MTERF4: variants seen among roughly 807,000 people sequenced by gnomAD.
MTERF4 encodes the protein mitochondrial transcription termination factor 4.
A neutral mutation model predicts 22.5 loss-of-function variants in MTERF4; 17 were observed. The observed-to-expected ratio is 0.75, with a 90% CI of 0.52 to 1.13. The LOEUF is 1.13. MTERF4 is among the 50% of genes most tolerant of loss of function. The probability of loss-of-function intolerance (pLI) is 0.00; values close to 1 mark genes in which losing one functional copy is unlikely to be tolerated. For synonymous variants in MTERF4, 165 were observed against 175.3 expected (o/e 0.94, Z 0.47); for missense variants, 420 against 466.8 (o/e 0.90, Z 0.92).
chr2:241,096,532 T>A lies in MTERF4; in HGVS notation c.706-94A>T. 7.2e-7 allele frequency: 1 copy of A among 1,385,248 alleles called. No individual in the cohort carries two copies. The highest frequency in any genetic ancestry group is 1.0e-6 in the Non-Finnish European group (1 of 975,324). The allele number at this position is 1,385,248 out of a possible 1,614,324, so 85.8% of individuals were successfully genotyped here. ...AAAAACTTAAGTTGTACAAAAGGAT[T>A]CAAAAAGAATTGCCTAATTGACAAC... is the stretch of plus-strand genomic sequence containing the variant. On this transcript the variant is annotated intron_variant, in intron 3 of 3. Transcript: ENST00000391980. This position sits in a 1 kb window ranked among gnomAD's most constrained non-coding sequence, Gnocchi z 5.1.
At chr2:241,068,188 A>G (rs1285440853), downstream of MTERF4, among the ~76,000 whole-genome samples, 1 of 152,166 alleles carries the variant, frequency 6.6e-6, no homozygotes, top group Non-Finnish European at 1.5e-5. The surrounding 1 kb of genome is among the most constrained non-coding windows in gnomAD (Gnocchi z 5.3). Flanking sequence ...AAGTGTCCAA[A>G]AAGAGCAGGA....
chr2:241,059,736 T>A, the MTERF4 span, among the ~76,000 whole-genome samples: 1 of 152,230 alleles, frequency 6.6e-6, no homozygotes, highest in Admixed American at 6.5e-5. Context: ...TATTTAAAAT[T>A]CTTAGTCAAC....
At chr2:241,088,352 C>T, downstream of MTERF4, 2 of 1,600,986 alleles carry the variant, frequency 1.2e-6, no homozygotes, top group Non-Finnish European at 1.7e-6. Context: ...CGACTTTTCT[C>T]TAATTATTTC....
At chr2:241,057,377 C>CAA in the MTERF4 span, among the ~76,000 whole-genome samples, 6 of 75,118 alleles carry the variant, frequency 8.0e-5, no homozygotes, top group African/African-American at 4.6e-4. Context: ...AACTCCATCT[C>CAA]AAAATATATA....
chr2:241,096,717 T>C lies in MTERF4; in HGVS notation c.706-279A>G. 1.6e-6 allele frequency: 1 copy of C among 631,276 alleles called. No individual in the cohort carries two copies. Among genetic ancestry groups the C allele is most frequent in the Non-Finnish European group, 3.0e-6 (1 of 334,784 alleles). 39.1% of individuals were successfully genotyped at this position (631,276 alleles called of 1,614,324 possible). The stretch of plus-strand genomic sequence containing the variant: ...AGAAGGAAGAGGTGGTATTTTTCTT[T>C]AAATGGGGAAGGAAAAGGATGAATA... On this transcript the variant is annotated intron_variant, in intron 3 of 3. Coordinates refer to ENST00000391980, the MANE Select transcript of MTERF4 (RefSeq NM_182501.4). The surrounding 1 kb of genome is among the most constrained non-coding windows in gnomAD (Gnocchi z 5.1).
At chr2:241,058,963 T>C in the MTERF4 span, among the ~76,000 whole-genome samples, 3 of 150,020 alleles carry the variant, frequency 2.0e-5, no homozygotes, top group Admixed American at 6.6e-5. Flanking sequence ...AAAAAAAAAA[T>C]CATTAACATT....
chr2:241,099,816 T>G lies in MTERF4; in HGVS notation c.100A>C (p.Arg34=). 6.2e-7 allele frequency: 1 copy of G among 1,614,134 alleles called. No homozygotes were observed. Among genetic ancestry groups the G allele is most frequent in the Non-Finnish European group, 8.5e-7 (1 of 1,180,044 alleles). The stretch of plus-strand genomic sequence containing the variant: ...TTGCGCAACAAAGAAGCTGTCGTCC[T>G]TCTCTGTTCTCCAAGATGAGGAGTC... ...RQTPHLGEQR[R]TTASLLRKLT... Residue 34 remains arginine (R), a synonymous_variant, in exon 2 of 4, where the codon AGG becomes CGG. Transcript: ENST00000391980.
At chr2:241,052,053 C>T in the MTERF4 span, 3 of 1,613,758 alleles carry the variant, frequency 1.9e-6, no homozygotes, top group South Asian at 1.1e-5. Flanking sequence ...AAGCCAGACT[C>T]GTGTGCCTCT....
chr2:241,090,565 G>GC, downstream of MTERF4: 2 of 1,234,932 alleles, frequency 1.6e-6, no homozygotes, highest in South Asian at 3.9e-5. Flanking sequence ...ACAGGGCAGT[G>GC]CAGTAGGTTT....
the MTERF4 span, among the ~76,000 whole-genome samples, chr2:241,060,011 A>G: frequency 4.6e-5 from 7 of 152,232 alleles, no homozygotes; most frequent in South Asian, 2.1e-4. Flanking sequence ...AAAAGAAGCT[A>G]TAGAACTAAC....
the MTERF4 span, among the ~76,000 whole-genome samples, chr2:241,064,291 G>A: frequency 1.3e-5 from 2 of 148,238 alleles, no homozygotes; most frequent in Non-Finnish European, 3.0e-5. The surrounding 1 kb of genome is among the most constrained non-coding windows in gnomAD (Gnocchi z 7.0). Context: ...GTGGCCCTCC[G>A]CCTGTCTCCC....
chr2:241,057,696 TTAAG>T, the MTERF4 span, among the ~76,000 whole-genome samples: 6 of 151,992 alleles, frequency 3.9e-5, 1 homozygote, highest in African/African-American at 1.4e-4. Flanking sequence ...AAATTAAAAA[TTAAG>T]AAATAAACTT....
chr2:241,087,428 C>T (rs895833551), downstream of MTERF4: 1 of 1,604,456 alleles, frequency 6.2e-7, no homozygotes, highest in Non-Finnish European at 8.5e-7. Flanking sequence ...AAGACATCTG[C>T]TTCAAAGAGA....
chr2:241,076,915 TAAA>T (rs1221985911), intron 4 of MTERF4, among the ~76,000 whole-genome samples: 1 of 152,086 alleles, frequency 6.6e-6, no homozygotes, highest in Admixed American at 6.5e-5. Context: ...CCGTCTCTAC[TAAA>T]AATACAAAAA....
chr2:241,094,555 T>C, downstream of MTERF4: 1 of 365,806 alleles, frequency 2.7e-6, no homozygotes, highest in East Asian at 7.5e-5. The surrounding 1 kb of genome is among the most constrained non-coding windows in gnomAD (Gnocchi z 4.3). Flanking sequence ...CAGCTCCTTA[T>C]TTTTCTTTTA....
At chr2:241,057,520 A>G in the MTERF4 span, among the ~76,000 whole-genome samples, 2 of 150,764 alleles carry the variant, frequency 1.3e-5, no homozygotes, top group East Asian at 3.9e-4. Flanking sequence ...CCAACTCTAC[A>G]AAAAACTTTA....
chr2:241,057,954 T>C, the MTERF4 span, among the ~76,000 whole-genome samples: 2 of 152,042 alleles, frequency 1.3e-5, no homozygotes, highest in Non-Finnish European at 2.9e-5. Context: ...ATGGCAAATA[T>C]TAAGATTGGA....
downstream of MTERF4, chr2:241,092,682 T>C (rs952640581): frequency 1.3e-5 from 2 of 152,274 alleles, no homozygotes; most frequent in African/African-American, 4.8e-5. The surrounding 1 kb of genome is among the most constrained non-coding windows in gnomAD (Gnocchi z 4.6). Flanking sequence ...TGGGCTGGGC[T>C]GGACAATGTT....
At chr2:241,049,078 A>C in the MTERF4 span, 1 of 1,613,578 alleles carries the variant, frequency 6.2e-7, no homozygotes, top group Admixed American at 1.7e-5. Flanking sequence ...GGGCTACTGC[A>C]TGGAGCACGG....
Sources: gnomAD v4.1 joint callset for allele counts (sites outside exome capture counted in the v4.1 genomes callset) on GRCh38, gnomAD v4.1.1 for gene constraint, Gnocchi (gnomAD v3.1) non-coding constraint, MANE v1.5 for transcripts, NCBI Gene and HGNC (gene_info 2026-07-23, HGNC 2026-07-21) for gene names.